Variants in SLC38A10 observed in about 807,000 individuals in gnomAD.
The protein encoded by SLC38A10 is solute carrier family 38 member 10, also known as Sodium-coupled neutral amino acid transporter 10.
A neutral mutation model predicts 81.0 loss-of-function variants in SLC38A10; 53 were observed. That is an observed-to-expected ratio of 0.65 (90% confidence interval 0.53 to 0.82). The LOEUF (loss-of-function observed/expected upper bound fraction) is 0.82, where lower values mean the gene tolerates loss of function less well. Ranked by LOEUF, SLC38A10 falls within the 40% of genes least tolerant of loss-of-function variation. The pLI, the probability that SLC38A10 is intolerant of heterozygous loss-of-function variation, is 0.00. For synonymous variants in SLC38A10, 665 were observed against 655.3 expected, an observed-to-expected ratio of 1.01 and a Z score of -0.23; for missense variants, 1,471 against 1,545.0, an observed-to-expected ratio of 0.95 and a Z score of 0.80.
chr17:81,294,812 AC>A lies in SLC38A10; in HGVS notation c.99+10del. The A allele has an allele frequency of 6.4e-7, 1 of 1,574,698 alleles. No individual in the cohort carries two copies. Among genetic ancestry groups the A allele is most frequent in the East Asian group, 2.5e-5 (1 of 40,144 alleles). On this transcript the variant is annotated intron_variant, in intron 1 of 15. Transcript: ENST00000374759. The stretch of plus-strand genomic sequence containing the variant: ...GGCGAGGGCGGTGATCTCCGGGCCC[AC>A]CGGACTCACCTGTTTGAAGCAGAAG...
Position 81,252,318 on chromosome 17 carries a change from G to A in SLC38A10, c.1822C>T (p.Gln608Ter). ...PGDRGLHPRP[Q>*]AVLSEQQNGL... ...TTCTGCTGCTCAGACAGCACTGCCT[G>A]GGGCCGAGGATGCAGGCCCCTGTCT... The change falls in exon 13 of 16, where the codon CAG (glutamine) becomes TAG (stop). Residue 608 changes from glutamine to a stop codon, truncating the protein, a stop_gained. Transcript: ENST00000374759. LOFTEE classifies it high-confidence loss of function. 6.2e-7 allele frequency: 1 copy of A among 1,612,554 alleles called. No individual in the cohort carries two copies. The highest frequency in any genetic ancestry group is 1.1e-5 in the South Asian group (1 of 91,050).
chr17:81,245,709 C>G lies in SLC38A10; in HGVS notation c.3207G>C (p.Gly1069=). The G allele has an allele frequency of 6.3e-7, 1 of 1,593,230 alleles. No homozygotes were observed. The highest frequency in any genetic ancestry group is 8.6e-7 in the Non-Finnish European group (1 of 1,167,600). ...GCAGGGGGTTAAGGCCAATGATGAC[C>G]CCATCCCTCGGGGCCAGCTGACCCT... ...HAEGQLAPRD[G]VIIGLNPLPD... The change falls in exon 16 of 16, where the codon GGG becomes GGC. Residue 1069 remains glycine, a synonymous_variant. Coordinates refer to ENST00000374759, the MANE Select transcript of SLC38A10 (RefSeq NM_001037984.3).
rs1187992179 is a variant in SLC38A10, at chr17:81,276,391, T to TC, written c.730-241_730-240insG. ...GCCCATTTCTTTCTTTTTCTTTCTTTTTTTTTTTTTTTGAGACGGGGTCTC... is the reference window on the plus strand; with the variant it reads ...GCCCATTTCTTTCTTTTTCTTTCTTTCTTTTTTTTTTTTGAGACGGGGTCTC... On this transcript the variant is annotated intron_variant, in intron 7 of 15. Coordinates refer to ENST00000374759, the MANE Select transcript of SLC38A10 (RefSeq NM_001037984.3). The surrounding 1 kb of genome is among the most constrained non-coding windows in gnomAD (Gnocchi z 4.7). Among the ~76,000 whole-genome samples, 3 of 150,248 alleles carry TC rather than the reference T, an allele frequency of 2.0e-5. No homozygotes were observed. Among genetic ancestry groups the TC allele is most frequent in the African/African-American group, 7.3e-5 (3 of 41,052 alleles).
chr17:81,252,138 A>G (rs1300960614), intron 13 of SLC38A10, 57 bp downstream of exon 13: 4 of 1,486,504 alleles, frequency 2.7e-6, no homozygotes, highest in Non-Finnish European at 3.6e-6. Flanking sequence ...GCCCCTGCCC[A>G]GCCTCCCCAG....
chr17:81,249,895 C>T (rs867822618), intron 14 of SLC38A10, among the ~76,000 whole-genome samples: 3 of 152,234 alleles, frequency 2.0e-5, no homozygotes, highest in Middle Eastern at 3.4e-3. Flanking sequence ...GAGTGGGCAT[C>T]GGGACCCTGC....
chr17:81,254,144 C>A (rs556380583), intron 11 of SLC38A10, among the ~76,000 whole-genome samples: 1 of 152,338 alleles, frequency 6.6e-6, no homozygotes, highest in East Asian at 1.9e-4. Flanking sequence ...CTGAGACAGG[C>A]GCTGCAGCCG....
In SLC38A10 at chr17:81,252,292, G is replaced by A. The variant is rs148447101; in HGVS notation, c.1848C>T (p.Asn616=). The change falls in exon 13 of 16, where the codon AAC becomes AAT. Residue 616 remains asparagine, a synonymous_variant. Transcript: ENST00000374759. ...TTTCCCCTCCACCCACCGCCAGGCC[G>A]TTCTGCTGCTCAGACAGCACTGCCT... is the stretch of plus-strand genomic sequence containing the variant. ...RPQAVLSEQQ[N]GLAVGGGEKA... 3,725 of 1,605,660 alleles carry A rather than the reference G, an allele frequency of 2.3e-3. 4 individuals are homozygous for A. The highest frequency in any genetic ancestry group is 2.9e-3 in the Non-Finnish European group (3,444 of 1,175,388).
chr17:81,245,630 C>A lies in SLC38A10; in HGVS notation c.3286G>T (p.Ala1096Ser). ...RGALDAQLRQ[A>S]AGGALQVVHS... The stretch of plus-strand genomic sequence containing the variant: ...ACCACCTGCAGAGCTCCCCCCGCAG[C>A]CTGGCGGAGCTGGGCATCCAGGGCG... Residue 1096 changes from alanine to serine, a missense_variant, in exon 16 of 16, where the codon GCT becomes TCT. Ala to Ser is a moderately conservative substitution (Grantham distance 99). Coordinates refer to ENST00000374759, the MANE Select transcript of SLC38A10 (RefSeq NM_001037984.3). 6.2e-7 allele frequency: 1 copy of A among 1,612,274 alleles called. No homozygotes were observed. Among genetic ancestry groups the A allele is most frequent in the Non-Finnish European group, 8.5e-7 (1 of 1,179,758 alleles).
rs764911435 is a variant in SLC38A10, at chr17:81,253,205, G to A, written c.1324C>T (p.Arg442Trp). The change falls in exon 12 of 16, where the codon CGG becomes TGG. Residue 442 changes from arginine to tryptophan, a missense_variant. Around this residue, in one of 2 missense-constraint regions of SLC38A10, gnomAD observed 720 missense variants for 827.7 expected, o/e 0.87. Coordinates refer to ENST00000374759, the MANE Select transcript of SLC38A10 (RefSeq NM_001037984.3). The surrounding 1 kb of genome is among the most constrained non-coding windows in gnomAD (Gnocchi z 4.1). ...TCCTTCGGCAGCTTCGGCTTCTCCC[G>A]GCCATCCTCAGCCACGGCCACAACC... The part of the protein sequence containing the change: ...DPVVAVAEDG[R>W]EKPKLPKERE... 12 of 1,613,518 alleles carry A rather than the reference G, an allele frequency of 7.4e-6. No homozygotes were observed. Among genetic ancestry groups the A allele is most frequent in the South Asian group, 1.1e-5 (1 of 91,082 alleles).
intron 1 of SLC38A10, among the ~76,000 whole-genome samples, chr17:81,290,798 G>A (rs541221841): frequency 6.6e-6 from 1 of 152,054 alleles, no homozygotes; most frequent in African/African-American, 2.4e-5. Context: ...ACGAGGTCAG[G>A]AGATCGAGAC....
intron 6 of SLC38A10, chr17:81,279,906 A>T (rs1182644235): frequency 3.8e-6 from 1 of 265,326 alleles, no homozygotes; most frequent in Non-Finnish European, 7.6e-6. Flanking sequence ...GTGGGTGTAA[A>T]CACAGCGGTA....
Position 81,258,961 on chromosome 17 carries a change from G to A in SLC38A10, c.1288+1277C>T, listed in dbSNP as rs572349216. On this transcript the variant is annotated intron_variant, in intron 11 of 15. Coordinates refer to ENST00000374759, the MANE Select transcript of SLC38A10 (RefSeq NM_001037984.3). ...TCCCCTGCCCACCTTCGCCATCCGG[G>A]AACAGTCATCCTTGGCAAATATGAG... Among the ~76,000 whole-genome samples, 3 of 152,338 alleles carry A rather than the reference G, an allele frequency of 2.0e-5. No individual in the cohort carries two copies. In the East Asian group the frequency reaches 5.8e-4, roughly 29 times the overall value.
Position 81,277,144 on chromosome 17 carries a change from A to G in SLC38A10, c.627-11T>C. ...GTGGGCAGCACCTGGCTGTATAGAA[A>G]CAGGCCATTTCACAGCGGACCTGAG... is the stretch of plus-strand genomic sequence containing the variant. On this transcript the variant is annotated splice_polypyrimidine_tract_variant and intron_variant, in intron 6 of 15. Transcript: ENST00000374759. This position sits in a 1 kb window ranked among gnomAD's most constrained non-coding sequence, Gnocchi z 4.5. 1 of 1,613,362 alleles carries G rather than the reference A, an allele frequency of 6.2e-7. No homozygotes were observed. Among genetic ancestry groups the G allele is most frequent in the Non-Finnish European group, 8.5e-7 (1 of 1,179,622 alleles).
intron 11 of SLC38A10, among the ~76,000 whole-genome samples, chr17:81,257,489 C>G (rs1423148613): frequency 6.6e-6 from 1 of 152,216 alleles, no homozygotes; most frequent in Non-Finnish European, 1.5e-5. Flanking sequence ...CCTGAGATGG[C>G]AGGGAGCTGA....
intron 10 of SLC38A10, chr17:81,264,565 C>T (rs1243141832): frequency 6.6e-6 from 1 of 152,380 alleles, no homozygotes; most frequent in East Asian, 1.9e-4. Context: ...GTCGCTGACT[C>T]AAATGCAGAG....
At position 81,245,774 on chromosome 17, in the gene SLC38A10, C is replaced by G. The variant is rs755075636; in HGVS notation, c.3142G>C (p.Asp1048His). ...AGGTCCCGCCGTCGCCTCCGGAGGT[C>G]GGAGCCAGCCTGCAGTTTCAGGTCC... ...NRDLKLQAGS[D>H]LRRRRRDLGP... The change falls in exon 16 of 16, where the codon GAC (aspartate) becomes CAC (histidine). Residue 1048 changes from aspartate (D) to histidine (H), a missense_variant. By Grantham distance (81) the Asp-to-His change is moderately conservative (BLOSUM62 -1). Around this residue, in one of 2 missense-constraint regions of SLC38A10, gnomAD observed 751 missense variants for 717.4 expected, o/e 1.05. Transcript: ENST00000374759. The G allele has an allele frequency of 1.9e-6, 3 of 1,597,946 alleles. No homozygotes were observed. The highest frequency in any genetic ancestry group is 2.6e-6 in the Non-Finnish European group (3 of 1,168,632).
At position 81,270,707 on chromosome 17, in the gene SLC38A10, G is replaced by A. The variant is rs1382650665; in HGVS notation, c.1131+211C>T. 6.6e-6 allele frequency among the ~76,000 whole-genome samples: 1 copy of A among 152,232 alleles called. No individual in the cohort carries two copies. The highest frequency in any genetic ancestry group is 1.5e-5 in the Non-Finnish European group (1 of 68,034). ...CAGGAAAACCCGATGCACAGCTTGAGCAGCTTAGTGTGGCCCTGCTGGGCA... is the reference window on the plus strand; with the variant it reads ...CAGGAAAACCCGATGCACAGCTTGAACAGCTTAGTGTGGCCCTGCTGGGCA... On this transcript the variant is annotated intron_variant, in intron 10 of 15. Coordinates refer to ENST00000374759, the MANE Select transcript of SLC38A10 (RefSeq NM_001037984.3). This position sits in a 1 kb window ranked among gnomAD's most constrained non-coding sequence, Gnocchi z 4.0.
At position 81,288,260 on chromosome 17, in the gene SLC38A10, G is replaced by A. The variant is rs2063283522; in HGVS notation, c.217+1431C>T. 1.3e-5 allele frequency among the ~76,000 whole-genome samples: 2 copies of A among 152,276 alleles called. No individual in the cohort carries two copies. The highest frequency in any genetic ancestry group is 3.9e-4 in the East Asian group (2 of 5,190). On this transcript the variant is annotated intron_variant, in intron 2 of 15. Coordinates refer to ENST00000374759, the MANE Select transcript of SLC38A10 (RefSeq NM_001037984.3). The surrounding 1 kb of genome is among the most constrained non-coding windows in gnomAD (Gnocchi z 5.4). ...GTGTTTTTATTTTGTTTGGCCCCCT[G>A]GACCCCTAAACACCATTTCCTCTCC... is the stretch of plus-strand genomic sequence containing the variant.
At chr17:81,290,244 T>A (rs571721589) in intron 1 of SLC38A10, among the ~76,000 whole-genome samples, 11 of 152,172 alleles carry the variant, frequency 7.2e-5, no homozygotes, top group Non-Finnish European at 1.5e-4. Context: ...ACCTGGGGAT[T>A]AACTGCACCC....
Sources: allele counts gnomAD v4.1 joint callset (sites outside exome capture counted in the v4.1 genomes callset), GRCh38; gene constraint gnomAD v4.1.1; regional missense constraint gnomAD v4.1.1; non-coding constraint Gnocchi (gnomAD v3.1); transcripts MANE v1.5; gene names NCBI Gene and HGNC (gene_info 2026-07-23, HGNC 2026-07-21).